KLF8: variants seen among roughly 807,000 people sequenced by gnomAD.
KLF8 encodes the protein KLF transcription factor 8.
Under a neutral mutation model 18.2 loss-of-function variants are expected in KLF8, and 10 were observed. That is an observed-to-expected ratio of 0.55 (90% CI 0.34 to 0.93). The LOEUF (loss-of-function observed/expected upper bound fraction) is 0.93, where lower values mean the gene tolerates loss of function less well. Ranked by LOEUF, KLF8 falls within the 40% of genes least tolerant of loss-of-function variation. The pLI, the probability that KLF8 is intolerant of heterozygous loss-of-function variation, is 0.02. For synonymous variants in KLF8, 109 were observed against 97.3 expected (o/e 1.12, Z -0.71); for missense variants, 264 against 277.9 (o/e 0.95, Z 0.36).
chrX:56,024,269 G>A, the KLF8 span, among the ~76,000 whole-genome samples: 4 of 106,097 alleles, frequency 3.8e-5, no homozygotes, highest in South Asian at 4.3e-4. Context: ...GTGCAGTAGC[G>A]CGATCTTGGC....
chrX:56,161,109 T>C, the KLF8 span, among the ~76,000 whole-genome samples: 1 of 111,679 alleles, frequency 9.0e-6, no homozygotes, highest in Admixed American at 9.6e-5. Context: ...TCTGAACATT[T>C]GCTCGTCTGT....
At chrX:56,096,943 A>G in the KLF8 span, among the ~76,000 whole-genome samples, 2 of 111,572 alleles carry the variant, frequency 1.8e-5, no homozygotes, top group Non-Finnish European at 3.8e-5. Context: ...CTCTATGCCT[A>G]TAAATTTTGT....
chrX:56,134,107 T>C, the KLF8 span, among the ~76,000 whole-genome samples: 1 of 111,352 alleles, frequency 9.0e-6, no homozygotes, highest in Non-Finnish European at 1.9e-5. Context: ...GTCTACATAT[T>C]CAATGCAATT....
chrX:56,125,193 C>A, the KLF8 span, among the ~76,000 whole-genome samples: 2 of 111,834 alleles, frequency 1.8e-5, no homozygotes, highest in South Asian at 7.6e-4. Context: ...ACATCTTTTT[C>A]TTTCACTCCT....
chrX:56,264,327 A>G (rs984454782), intron 2 of KLF8, among the ~76,000 whole-genome samples: 2 of 110,967 alleles, frequency 1.8e-5, no homozygotes, highest in African/African-American at 3.3e-5. Context: ...TGTATTTATT[A>G]GTTTTTTAAA....
the KLF8 span, among the ~76,000 whole-genome samples, chrX:55,998,564 C>A: frequency 8.9e-6 from 1 of 112,071 alleles, no homozygotes; most frequent in African/African-American, 3.2e-5. Flanking sequence ...CCATTTAACC[C>A]TGAGTTTGAC....
At chrX:56,180,471 G>C in the KLF8 span, among the ~76,000 whole-genome samples, 1 of 109,670 alleles carries the variant, frequency 9.1e-6, no homozygotes, top group Non-Finnish European at 1.9e-5. Context: ...CTTCAGTTCT[G>C]CCCTGATCTT....
At chrX:56,217,398 C>CTATTTATT in the KLF8 span, among the ~76,000 whole-genome samples, 12,889 of 103,495 alleles carry the variant, frequency 0.12, 1,590 homozygotes, top group African/African-American at 0.36. Context: ...CTGAATTGTA[C>CTATTTATT]TATTTATTTA....
chrX:56,245,232 G>A (rs2066607275), intron 1 of KLF8, among the ~76,000 whole-genome samples: 1 of 111,772 alleles, frequency 8.9e-6, no homozygotes, highest in African/African-American at 3.3e-5. Flanking sequence ...TTTCTTTTTA[G>A]TTGTAGGTTC....
At chrX:56,253,739 G>A (rs750953914) in intron 2 of KLF8, among the ~76,000 whole-genome samples, 1 of 83,490 alleles carries the variant, frequency 1.2e-5, no homozygotes, top group East Asian at 3.7e-4. Flanking sequence ...TTCTATTTTT[G>A]TACATAATGT....
the KLF8 span, among the ~76,000 whole-genome samples, chrX:56,113,344 G>A: frequency 2.7e-5 from 3 of 109,306 alleles, no homozygotes; most frequent in Non-Finnish European, 5.7e-5. Flanking sequence ...TTGAAAACTG[G>A]ACATTTTAAA....
At chrX:56,202,041 C>T in the KLF8 span, among the ~76,000 whole-genome samples, 3 of 111,122 alleles carry the variant, frequency 2.7e-5, no homozygotes, top group East Asian at 8.4e-4. Flanking sequence ...CATTGCCAAG[C>T]CCATTAAGAC....
At chrX:56,155,738 T>C in the KLF8 span, among the ~76,000 whole-genome samples, 6 of 111,663 alleles carry the variant, frequency 5.4e-5, no homozygotes, top group African/African-American at 1.6e-4. Flanking sequence ...GATGCTGAGG[T>C]TTGGAATACA....
chrX:56,166,462 A>G, the KLF8 span, among the ~76,000 whole-genome samples: 48 of 111,859 alleles, frequency 4.3e-4, no homozygotes, highest in Admixed American at 4.6e-3. Context: ...ATATTACCGT[A>G]AAAATATTGT....
At chrX:56,186,041 T>G in the KLF8 span, among the ~76,000 whole-genome samples, 4 of 112,122 alleles carry the variant, frequency 3.6e-5, no homozygotes, top group Non-Finnish European at 7.5e-5. Flanking sequence ...ACTTTAAATG[T>G]AAATGCACTA....
At chrX:56,199,688 C>T in the KLF8 span, among the ~76,000 whole-genome samples, 8 of 111,591 alleles carry the variant, frequency 7.2e-5, no homozygotes, top group Non-Finnish European at 1.5e-4. Flanking sequence ...TTTCAAGGAT[C>T]TAGAACTAGA....
chrX:56,034,207 A>C, the KLF8 span, among the ~76,000 whole-genome samples: 3 of 112,227 alleles, frequency 2.7e-5, no homozygotes, highest in East Asian at 8.3e-4. Flanking sequence ...TGTGAAATAA[A>C]GGTCCAATTT....
the KLF8 span, among the ~76,000 whole-genome samples, chrX:56,123,318 G>GAAAAGAA: frequency 2.7e-5 from 3 of 110,729 alleles, no homozygotes; most frequent in African/African-American, 1.0e-4. Context: ...AGAAAGAAAA[G>GAAAAGAA]AAAGAAAGAA....
chrX:56,078,063 G>C, the KLF8 span, among the ~76,000 whole-genome samples: 1 of 109,697 alleles, frequency 9.1e-6, no homozygotes, highest in Non-Finnish European at 1.9e-5. Context: ...GGGTTTTCCA[G>C]ATATTAAATC....
Sources: allele counts gnomAD v4.1 joint callset (sites outside exome capture counted in the v4.1 genomes callset), GRCh38; gene constraint gnomAD v4.1.1; transcripts MANE v1.5; gene names NCBI Gene and HGNC (gene_info 2026-07-23, HGNC 2026-07-21).